The following GALNT13 variants were observed in gnomAD, a reference collection of about 807,000 sequenced individuals.
GALNT13 encodes the protein polypeptide N-acetylgalactosaminyltransferase 13, also known as UDP-GalNAc:polypeptide N-acetylgalactosaminyltransferase 13.
A neutral mutation model predicts 64.2 loss-of-function variants in GALNT13; 28 were observed. That is an observed-to-expected ratio of 0.44 (90% CI 0.32 to 0.60). The LOEUF is 0.60. GALNT13 is among the 20% of genes least tolerant of loss of function. The pLI, the probability that GALNT13 is intolerant of heterozygous loss-of-function variation, is 0.05. For missense variants in GALNT13, 577 were observed against 669.8 expected (o/e 0.86, Z 1.53); for synonymous variants, 214 against 224.6 (o/e 0.95, Z 0.42).
the GALNT13 span, among the ~76,000 whole-genome samples, chr2:153,637,353 GTGAATCCAAAAGC>G: frequency 5.9e-5 from 9 of 152,048 alleles, no homozygotes; most frequent in Admixed American, 2.6e-4. Context: ...GTACCTCAGG[GTGAATCCAAAAGC>G]TGTTCTTATG....
chr2:154,330,808 A>C (rs1695127913), intron 9 of GALNT13, among the ~76,000 whole-genome samples: 1 of 152,150 alleles, frequency 6.6e-6, no homozygotes, highest in South Asian at 2.1e-4. Context: ...TCAAATAACA[A>C]AATGAATAAT....
At chr2:153,402,726 C>T in the GALNT13 span, among the ~76,000 whole-genome samples, 1 of 152,174 alleles carries the variant, frequency 6.6e-6, no homozygotes, top group Non-Finnish European at 1.5e-5. Context: ...GCATTGGCTC[C>T]TGAGGCTTCT....
Position 154,041,245 on chromosome 2 carries a change from C to T in GALNT13, c.142+96606C>T, listed in dbSNP as rs559016914. ...TTGTTATAGAAATTACTCAAGCTATCTTAAATGAAGACCTCAATTGAAGTT... is the reference window on the plus strand; with the variant it reads ...TTGTTATAGAAATTACTCAAGCTATTTTAAATGAAGACCTCAATTGAAGTT... On this transcript the variant is annotated intron_variant, in intron 3 of 12. Coordinates refer to ENST00000392825, the MANE Select transcript of GALNT13 (RefSeq NM_052917.4). Among the ~76,000 whole-genome samples the T allele has an allele frequency of 7.1e-5, 10 of 140,380 alleles. No individual in the cohort carries two copies. The East Asian group carries it at 1.4e-3, about 20-fold the overall frequency. 92.1% of individuals were successfully genotyped at this position (140,380 alleles called of 152,430 possible). A position where few individuals can be genotyped will look rare whatever the true frequency, so the allele number is the denominator to read the frequency against.
At chr2:153,692,779 C>T in the GALNT13 span, among the ~76,000 whole-genome samples, 1 of 152,056 alleles carries the variant, frequency 6.6e-6, no homozygotes. Flanking sequence ...TATATATTAT[C>T]CACTATATTG....
chr2:153,711,392 C>T, the GALNT13 span, among the ~76,000 whole-genome samples: 2 of 152,110 alleles, frequency 1.3e-5, no homozygotes, highest in African/African-American at 2.4e-5. Context: ...ATAAAAGCTA[C>T]TGTATACTGC....
intron 3 of GALNT13, among the ~76,000 whole-genome samples, chr2:154,092,238 G>T (rs1701850457): frequency 6.6e-6 from 1 of 151,980 alleles, no homozygotes. Flanking sequence ...GCAGTCGTTT[G>T]ATAGATCTCA....
the GALNT13 span, among the ~76,000 whole-genome samples, chr2:153,837,867 C>A: frequency 2.6e-5 from 4 of 151,938 alleles, no homozygotes; most frequent in South Asian, 2.1e-4. Context: ...AATGGCTATA[C>A]CAATTTATAT....
At chr2:153,800,870 T>C in the GALNT13 span, among the ~76,000 whole-genome samples, 23 of 152,190 alleles carry the variant, frequency 1.5e-4, no homozygotes, top group Admixed American at 4.6e-4. Flanking sequence ...TACTTCCACA[T>C]TGAAAATCTG....
At chr2:153,387,356 T>C in the GALNT13 span, among the ~76,000 whole-genome samples, 1 of 152,070 alleles carries the variant, frequency 6.6e-6, no homozygotes, top group Non-Finnish European at 1.5e-5. Context: ...AGAACTAGAT[T>C]ATACGTTTTC....
chr2:154,317,223 A>AG (rs1018218554), intron 9 of GALNT13, among the ~76,000 whole-genome samples: 10 of 152,098 alleles, frequency 6.6e-5, no homozygotes, highest in East Asian at 1.9e-4. Flanking sequence ...AAAAAAAAAA[A>AG]AAGAAGAATG....
At chr2:153,411,131 C>G in the GALNT13 span, among the ~76,000 whole-genome samples, 1 of 150,468 alleles carries the variant, frequency 6.6e-6, no homozygotes, top group Non-Finnish European at 1.5e-5. Context: ...GCTGGTATTA[C>G]AAGCGTGAGC....
the GALNT13 span, among the ~76,000 whole-genome samples, chr2:153,578,019 G>T: frequency 3.0e-4 from 45 of 151,764 alleles, no homozygotes; most frequent in African/African-American, 1.0e-3. Context: ...ATACTTTTAT[G>T]CACATGCATA....
At chr2:154,028,228 G>T (rs1463582771) in intron 3 of GALNT13, among the ~76,000 whole-genome samples, 1 of 152,008 alleles carries the variant, frequency 6.6e-6, no homozygotes, top group African/African-American at 2.4e-5. Flanking sequence ...ATCATAACCT[G>T]CATAAGCTCA....
chr2:153,848,647 A>T, the GALNT13 span, among the ~76,000 whole-genome samples: 1,370 of 152,288 alleles, frequency 9.0e-3, 12 homozygotes, highest in South Asian at 0.02. Context: ...GGTGAATATC[A>T]CTACAGATCT....
intron 11 of GALNT13, among the ~76,000 whole-genome samples, chr2:154,423,554 C>T (rs1006752173): frequency 6.6e-6 from 1 of 152,154 alleles, no homozygotes; most frequent in Non-Finnish European, 1.5e-5. Flanking sequence ...CCTATTTCTC[C>T]ACATCCTCTT....
At chr2:153,148,850 G>A in the GALNT13 span, among the ~76,000 whole-genome samples, 1 of 151,796 alleles carries the variant, frequency 6.6e-6, no homozygotes, top group Non-Finnish European at 1.5e-5. Context: ...TCAAAACTTA[G>A]GAGGTTAACA....
chr2:153,418,821 G>A, the GALNT13 span, among the ~76,000 whole-genome samples: 1 of 152,094 alleles, frequency 6.6e-6, no homozygotes, highest in Non-Finnish European at 1.5e-5. Context: ...TCACACCACT[G>A]CACTTCAGCC....
intron 2 of GALNT13, among the ~76,000 whole-genome samples, chr2:153,930,128 T>C (rs1425573246): frequency 6.6e-6 from 1 of 152,146 alleles, no homozygotes; most frequent in Non-Finnish European, 1.5e-5. Flanking sequence ...TGTTTGTTGG[T>C]CACATGCATG....
intron 3 of GALNT13, among the ~76,000 whole-genome samples, chr2:154,043,706 C>T (rs1157062409): frequency 6.6e-6 from 1 of 151,858 alleles, no homozygotes; most frequent in African/African-American, 2.4e-5. Context: ...GACACAAGGT[C>T]TAGTACTATT....
Sources: allele counts gnomAD v4.1 joint callset (sites outside exome capture counted in the v4.1 genomes callset), GRCh38; gene constraint gnomAD v4.1.1; transcripts MANE v1.5; gene names NCBI Gene and HGNC (gene_info 2026-07-23, HGNC 2026-07-21).